The following SUSD4 variants were observed in gnomAD, a reference collection of about 807,000 sequenced individuals.
The protein encoded by SUSD4 is sushi domain-containing protein 4.
Under a neutral mutation model 50.5 loss-of-function variants are expected in SUSD4, and 41 were observed. The ratio of observed to expected loss-of-function variants is 0.81; its 90% CI spans 0.63 to 1.05. The LOEUF is 1.05. Among genes scored for constraint, SUSD4 ranks in the 50% least tolerant of loss-of-function variants. The pLI is 0.00. For synonymous variants in SUSD4, 257 were observed against 257.3 expected, an observed-to-expected ratio of 1.00 and a Z score of 0.01; for missense variants, 580 against 634.7, an observed-to-expected ratio of 0.91 and a Z score of 0.93.
chr1:223,225,622 G>A (rs897307000), intron 7 of SUSD4, among the ~76,000 whole-genome samples: 6 of 152,070 alleles, frequency 3.9e-5, no homozygotes, highest in African/African-American at 4.8e-5. Context: ...CTTCCTCTCC[G>A]GCCACTTCAC....
chr1:223,317,465 C>T (rs1666268550), intron 2 of SUSD4, among the ~76,000 whole-genome samples: 1 of 152,128 alleles, frequency 6.6e-6, no homozygotes. Context: ...ATGGACTCTC[C>T]CTGAATTCTT....
At chr1:223,279,820 G>A (rs1346430336) in intron 3 of SUSD4, among the ~76,000 whole-genome samples, 2 of 150,196 alleles carry the variant, frequency 1.3e-5, no homozygotes, top group Non-Finnish European at 1.5e-5. Flanking sequence ...AGGAAAAAAT[G>A]TTAAGGGCAG....
intron 5 of SUSD4, among the ~76,000 whole-genome samples, chr1:223,262,816 A>G (rs1662214341): frequency 6.6e-6 from 1 of 152,184 alleles, no homozygotes; most frequent in Admixed American, 6.5e-5. Flanking sequence ...AACCCTAGGG[A>G]AAAAAGACGC....
intron 5 of SUSD4, among the ~76,000 whole-genome samples, chr1:223,238,920 A>G (rs1660392985): frequency 6.6e-6 from 1 of 152,008 alleles, no homozygotes; most frequent in African/African-American, 2.4e-5. Context: ...GTCCATTTCC[A>G]ATAAAGGTGT....
At chr1:223,336,174 G>A (rs773270223) in intron 2 of SUSD4, among the ~76,000 whole-genome samples, 5 of 152,172 alleles carry the variant, frequency 3.3e-5, no homozygotes, top group Admixed American at 1.3e-4. Flanking sequence ...GGCTGGTCTC[G>A]AACTCCTGAC....
chr1:223,259,011 C>T (rs1438968875), intron 5 of SUSD4, among the ~76,000 whole-genome samples: 2 of 152,166 alleles, frequency 1.3e-5, no homozygotes, highest in African/African-American at 2.4e-5. Context: ...CCCTGGATAA[C>T]TTACAAATGT....
At chr1:223,347,213 C>A (rs1350515062) in intron 2 of SUSD4, among the ~76,000 whole-genome samples, 4 of 152,200 alleles carry the variant, frequency 2.6e-5, no homozygotes, top group Non-Finnish European at 2.9e-5. Context: ...AATCCAATTA[C>A]ACTTTTTTAG....
intron 3 of SUSD4, among the ~76,000 whole-genome samples, chr1:223,281,605 C>A (rs962881456): frequency 1.4e-4 from 22 of 152,112 alleles, no homozygotes; most frequent in Non-Finnish European, 1.5e-5. Flanking sequence ...AATAGCCTAC[C>A]AACCAAAAAG....
intron 2 of SUSD4, among the ~76,000 whole-genome samples, chr1:223,300,194 T>C (rs899252152): frequency 2.0e-5 from 3 of 152,134 alleles, no homozygotes; most frequent in Non-Finnish European, 2.9e-5. Flanking sequence ...TCTCCATTAC[T>C]GGCATCACCG....
chr1:223,317,834 C>CTT (rs1235672082), intron 2 of SUSD4, among the ~76,000 whole-genome samples: 66 of 80,126 alleles, frequency 8.2e-4, no homozygotes, highest in East Asian at 2.3e-3. Context: ...GCTTGCCCTT[C>CTT]TTTTTTTTTT....
intron 2 of SUSD4, among the ~76,000 whole-genome samples, chr1:223,297,592 A>C (rs1224935326): frequency 6.6e-6 from 1 of 152,170 alleles, no homozygotes; most frequent in Non-Finnish European, 1.5e-5. Flanking sequence ...CATGCTCATC[A>C]TCCAGGACAC....
At chr1:223,283,325 C>T (rs1366760981) in intron 3 of SUSD4, among the ~76,000 whole-genome samples, 1 of 152,104 alleles carries the variant, frequency 6.6e-6, no homozygotes, top group Non-Finnish European at 1.5e-5. Flanking sequence ...TTTTTGCAAT[C>T]TACTCATCTG....
rs935528067 is a variant in SUSD4 at position 223,223,729 on chromosome 1, C to T, written c.1062-98G>A. 9.4e-6 allele frequency: 13 copies of T among 1,377,868 alleles called. No homozygotes were observed. In the Admixed American group the frequency reaches 1.9e-4, roughly 20 times the overall value. 85.4% of individuals were successfully genotyped at this position (1,377,868 alleles called of 1,614,324 possible). On this transcript the variant is annotated intron_variant, in intron 7 of 8. Coordinates refer to ENST00000366878, the MANE Select transcript of SUSD4 (RefSeq NM_017982.4). ...CTGCACTCGGGGTCCTCAGGACCCA[C>T]GATGGGCAGCAGAGTCCCGTATGGA...
intron 2 of SUSD4, among the ~76,000 whole-genome samples, chr1:223,325,588 T>C (rs1666828168): frequency 6.6e-6 from 1 of 152,188 alleles, no homozygotes; most frequent in Admixed American, 6.5e-5. Flanking sequence ...ACTATCCCCA[T>C]TTGCAGATGA....
intron 2 of SUSD4, among the ~76,000 whole-genome samples, chr1:223,341,026 A>G (rs550433077): frequency 6.6e-6 from 1 of 152,390 alleles, no homozygotes; most frequent in East Asian, 1.9e-4. Flanking sequence ...TTTGATATGG[A>G]AAGTCCTAAA....
Position 223,264,731 on chromosome 1 carries a change from TAGG to T in SUSD4, c.620_622del (p.Ser207del). 9 of 1,614,146 alleles carry T rather than the reference TAGG, an allele frequency of 5.6e-6. No homozygotes were observed. Among genetic ancestry groups the T allele is most frequent in the Non-Finnish European group, 6.8e-6 (8 of 1,180,016 alleles). On this transcript the variant is annotated inframe_deletion, in exon 5 of 9. Transcript: ENST00000366878. Reference sequence around the variant, plus strand: ...AAGTTTAAATCCGGGAAAGCAGCGATAGGAGATCACAGTCCCCACCGGGAAGGA... The same window carrying T: ...AAGTTTAAATCCGGGAAAGCAGCGATAGATCACAGTCCCCACCGGGAAGGA...
At chr1:223,289,413 T>C in intron 3 of SUSD4, 1 of 544,736 alleles carries the variant, frequency 1.8e-6, no homozygotes, top group African/African-American at 2.1e-5. Flanking sequence ...AAGGGGGCCA[T>C]GTGAAAAGGG....
intron 2 of SUSD4, among the ~76,000 whole-genome samples, chr1:223,327,492 A>T (rs1666941300): frequency 6.6e-6 from 1 of 152,246 alleles, no homozygotes; most frequent in African/African-American, 2.4e-5. Flanking sequence ...TGAAATAAAA[A>T]TGTTTTAAAA....
chr1:223,300,141 G>C (rs897977030), intron 2 of SUSD4, among the ~76,000 whole-genome samples: 1 of 152,070 alleles, frequency 6.6e-6, no homozygotes, highest in Non-Finnish European at 1.5e-5. Flanking sequence ...GCAGACCAGG[G>C]GCAGGGTCCT....
Sources: gnomAD v4.1 joint callset for allele counts (sites outside exome capture counted in the v4.1 genomes callset) on GRCh38, gnomAD v4.1.1 for gene constraint, MANE v1.5 for transcripts, NCBI Gene and HGNC (gene_info 2026-07-23, HGNC 2026-07-21) for gene names.